HNRNPDL: variants seen among roughly 807,000 people sequenced by gnomAD.
The protein encoded by HNRNPDL is heterogeneous nuclear ribonucleoprotein D-like.
Under a neutral mutation model 48.0 loss-of-function variants are expected in HNRNPDL, and 18 were observed. The observed-to-expected ratio is 0.38, with a 90% CI of 0.26 to 0.56. The LOEUF is 0.56. HNRNPDL is among the 20% of genes least tolerant of loss of function. The probability of loss-of-function intolerance (pLI) is 0.77; values close to 1 mark genes in which losing one functional copy is unlikely to be tolerated. For missense variants in HNRNPDL, 553 were observed against 540.7 expected (o/e 1.02, Z -0.23); for synonymous variants, 306 against 207.3 (o/e 1.48, Z -4.09).
rs1721590769 is a variant in HNRNPDL, at chr4:82,429,382, G to GGCA, written c.306_308dup (p.Ala104dup). ...GGTGCTGGCGCGCAGTCCGGGTCGC[G>GGCA]GCAGCAGCGGCGGCGGAGCGTTGTA... On this transcript the variant is annotated inframe_insertion, in exon 1 of 8. Coordinates refer to ENST00000295470, the MANE Select transcript of HNRNPDL (RefSeq NM_031372.4). 3 of 1,613,496 alleles carry GGCA rather than the reference G, an allele frequency of 1.9e-6. No individual in the cohort carries two copies. Among genetic ancestry groups the GGCA allele is most frequent in the South Asian group, 1.1e-5 (1 of 91,068 alleles).
At chr4:82,428,533 G>T in intron 1 of HNRNPDL, 87 bp from the exon 2 acceptor site, 1 of 1,035,760 alleles carries the variant, frequency 9.7e-7, no homozygotes. Flanking sequence ...TAAAAACAGG[G>T]ACATTTACCC....
intron 3 of HNRNPDL, among the ~76,000 whole-genome samples, 157 bp downstream of exon 3, chr4:82,427,861 A>C (rs1274567175): frequency 2.6e-5 from 4 of 152,244 alleles, no homozygotes; most frequent in African/African-American, 9.6e-5. Flanking sequence ...TTTCCATCAG[A>C]GCAGCAATGA....
At position 82,429,713 on chromosome 4, in the gene HNRNPDL, G is replaced by A; in HGVS notation, c.-23C>T. On this transcript the variant is annotated 5_prime_UTR_variant, in exon 1 of 8. Transcript: ENST00000295470. ...CATCGCGGCCCTCCCGGCAAGGAGA[G>A]AGGCCACGCGTGAGGGGACGCGGGC... is the stretch of plus-strand genomic sequence containing the variant. The A allele has an allele frequency of 1.6e-5, 21 of 1,342,408 alleles. No individual in the cohort carries two copies. Among genetic ancestry groups the A allele is most frequent in the South Asian group, 2.0e-5 (1 of 49,982 alleles). 83.2% of individuals were successfully genotyped at this position (1,342,408 alleles called of 1,614,324 possible).
rs578132115 is a variant in HNRNPDL, at chr4:82,423,010, G to A, written c.*1896C>T. The A allele has an allele frequency of 9.2e-5, 14 of 151,808 alleles. No homozygotes were observed. The highest frequency in any genetic ancestry group is 3.1e-4 in the African/African-American group (13 of 41,312). The allele number at this position is 151,808 out of a possible 1,614,324, so 9.4% of individuals were successfully genotyped here. A position where few individuals can be genotyped will look rare whatever the true frequency, so the allele number is the denominator to read the frequency against. On this transcript the variant is annotated 3_prime_UTR_variant, in exon 8 of 8. Coordinates refer to ENST00000295470, the MANE Select transcript of HNRNPDL (RefSeq NM_031372.4). Reference sequence around the variant, plus strand: ...AGCCTTAGAGTATCTGTTCAAATTTGCATCAGTTGGTGAACTGATAGACCC... The same window carrying A: ...AGCCTTAGAGTATCTGTTCAAATTTACATCAGTTGGTGAACTGATAGACCC...
chr4:82,429,648 A>AC lies in HNRNPDL; in HGVS notation c.42dup (p.Phe15ValfsTer77). 7.3e-7 allele frequency: 1 copy of AC among 1,366,374 alleles called. No homozygotes were observed. 84.6% of individuals were successfully genotyped at this position (1,366,374 alleles called of 1,614,324 possible). A position where few individuals can be genotyped will look rare whatever the true frequency, so the allele number is the denominator to read the frequency against. ...GCTAAAGTAGCGGGAGCGGAGGGGA[A>AC]CAATGGCGGCGGCACATGGGAAAGC... On this transcript the variant is annotated frameshift_variant, in exon 1 of 8. Transcript: ENST00000295470. LOFTEE classifies it high-confidence loss of function.
intron 6 of HNRNPDL, 113 bp from the exon 7 acceptor site, chr4:82,426,242 A>G: frequency 1.9e-6 from 2 of 1,037,958 alleles, no homozygotes; most frequent in South Asian, 2.6e-5. Context: ...GTATTAAGAT[A>G]TTTTAGCACC....
At chr4:82,426,700 G>A (rs1320675705) in intron 5 of HNRNPDL, 67 bp from the exon 6 acceptor site, 7 of 1,298,798 alleles carry the variant, frequency 5.4e-6, no homozygotes, top group Admixed American at 3.4e-5. Context: ...AAAATGATGC[G>A]TTCTTGTCTC....
chr4:82,426,605 A>T lies in HNRNPDL; in HGVS notation c.1050T>A (p.Phe350Leu). 6.2e-7 allele frequency: 1 copy of T among 1,613,876 alleles called. No homozygotes were observed. The change falls in exon 6 of 8, where the codon TTT becomes TTA. Residue 350 changes from phenylalanine to leucine, a missense_variant. By Grantham distance (22) the Phe-to-Leu change is conservative. Coordinates refer to ENST00000295470, the MANE Select transcript of HNRNPDL (RefSeq NM_031372.4). ...RGQGQNWNQG[F>L]NNYYDQGYGN... ...CATATCCTTGATCATAATAGTTATT[A>T]AATCCTTGGTTCCAGTTTTGGCCCT...
intron 1 of HNRNPDL, among the ~76,000 whole-genome samples, chr4:82,428,713 T>C (rs1241845895): frequency 6.6e-6 from 1 of 152,232 alleles, no homozygotes. Flanking sequence ...CAGATTCCTT[T>C]AGGTAGAAGG....
At position 82,422,837 on chromosome 4, in the gene HNRNPDL, A is replaced by C. The variant is rs1333567874; in HGVS notation, c.*2069T>G. 6.6e-6 allele frequency: 1 copy of C among 152,226 alleles called. No homozygotes were observed. The highest frequency in any genetic ancestry group is 1.5e-5 in the Non-Finnish European group (1 of 68,040). The allele number at this position is 152,226 out of a possible 1,614,324, so 9.4% of individuals were successfully genotyped here. On this transcript the variant is annotated 3_prime_UTR_variant, in exon 8 of 8. Coordinates refer to ENST00000295470, the MANE Select transcript of HNRNPDL (RefSeq NM_031372.4). ...ACAATGTAAAAGGCAAATACGATGT[A>C]AAAAACATACACAGAGTATTTGTTA...
rs755637495 is a variant in HNRNPDL, at chr4:82,427,247, TTTG to T, written c.961_963del (p.Gln321del). 3 of 1,614,072 alleles carry T rather than the reference TTTG, an allele frequency of 1.9e-6. No individual in the cohort carries two copies. Among genetic ancestry groups the T allele is most frequent in the East Asian group, 2.2e-5 (1 of 44,888 alleles). On this transcript the variant is annotated inframe_deletion, in exon 5 of 8. Coordinates refer to ENST00000295470, the MANE Select transcript of HNRNPDL (RefSeq NM_031372.4). The stretch of plus-strand genomic sequence containing the variant: ...CCAGCTGCAGCACCTCTTCCACCTT[TTTG>T]TTGTTGCTGTTGCTGCCTATATACC...
rs146329382 is a variant in HNRNPDL, at chr4:82,422,735, C to A, written c.*2171G>T. On this transcript the variant is annotated 3_prime_UTR_variant, in exon 8 of 8. Transcript: ENST00000295470. The stretch of plus-strand genomic sequence containing the variant: ...ACGATGTATAAAAACATATACAAAC[C>A]GAGCATTTGTTATAGGTACTTTAGA... 1 of 151,846 alleles carries A rather than the reference C, an allele frequency of 6.6e-6. No individual in the cohort carries two copies. Among genetic ancestry groups the A allele is most frequent in the Non-Finnish European group, 1.5e-5 (1 of 67,944 alleles). 9.4% of individuals were successfully genotyped at this position (151,846 alleles called of 1,614,324 possible).
At chr4:82,426,378 C>A in intron 6 of HNRNPDL, 85 bp downstream of exon 6, 1 of 1,233,120 alleles carries the variant, frequency 8.1e-7, no homozygotes, top group South Asian at 1.3e-5. Flanking sequence ...ATGGAAAGCC[C>A]ATACACACAA....
At position 82,424,151 on chromosome 4, in the gene HNRNPDL, A is replaced by C. The variant is rs1721317228; in HGVS notation, c.*755T>G. On this transcript the variant is annotated 3_prime_UTR_variant, in exon 8 of 8. Coordinates refer to ENST00000295470, the MANE Select transcript of HNRNPDL (RefSeq NM_031372.4). The stretch of plus-strand genomic sequence containing the variant: ...ACCAGTTTTACAGTGCTCCTTTTGT[A>C]TCTGAACTTTTATCAAGAATTACTC... 6.6e-6 allele frequency: 1 copy of C among 152,208 alleles called. No individual in the cohort carries two copies. Among genetic ancestry groups the C allele is most frequent in the Non-Finnish European group, 1.5e-5 (1 of 68,034 alleles). 9.4% of individuals were successfully genotyped at this position (152,208 alleles called of 1,614,324 possible). A position where few individuals can be genotyped will look rare whatever the true frequency, so the allele number is the denominator to read the frequency against.
chr4:82,423,449 C>CA lies in HNRNPDL; in HGVS notation c.*1456dup, dbSNP rs757652663. The CA allele has an allele frequency of 5.3e-5, 8 of 151,154 alleles. No homozygotes were observed. The highest frequency in any genetic ancestry group is 6.6e-5 in the Admixed American group (1 of 15,196). 9.4% of individuals were successfully genotyped at this position (151,154 alleles called of 1,614,324 possible). The stretch of plus-strand genomic sequence containing the variant: ...AAGTTTAAGAATAGCAAAACAGCAG[C>CA]AAAAAAGAGGCCAAGAGCATTATAA... On this transcript the variant is annotated 3_prime_UTR_variant, in exon 8 of 8. Transcript: ENST00000295470.
At chr4:82,426,340 C>T in intron 6 of HNRNPDL, 123 bp downstream of exon 6, 1 of 925,190 alleles carries the variant, frequency 1.1e-6, no homozygotes, top group Non-Finnish European at 1.7e-6. Flanking sequence ...TTGTAACATG[C>T]CTCAAACACT....
chr4:82,426,785 T>G, intron 5 of HNRNPDL, 152 bp from the exon 6 acceptor site: 1 of 676,272 alleles, frequency 1.5e-6, no homozygotes, highest in Non-Finnish European at 2.5e-6. Context: ...TTCCAGCTGT[T>G]ATAAAAAAGG....
In HNRNPDL at chr4:82,426,500, C is replaced by A. The variant is rs764921476; in HGVS notation, c.1155G>T (p.Gly385=). The change falls in exon 6 of 8, where the codon GGG becomes GGT. Residue 385 remains glycine (G), a synonymous_variant. Transcript: ENST00000295470. ...CATATCCCTGTCCATATCCATAGTTCCCATAGTTATACCCAGTATAATCAT... is the reference window on the plus strand; with the variant it reads ...CATATCCCTGTCCATATCCATAGTTACCATAGTTATACCCAGTATAATCAT... The part of the protein sequence containing the change: ...GGYDYTGYNY[G]NYGYGQGYAD... 71 of 1,612,572 alleles carry A rather than the reference C, an allele frequency of 4.4e-5. No individual in the cohort carries two copies. Among genetic ancestry groups the A allele is most frequent in the Non-Finnish European group, 5.9e-5 (70 of 1,178,918 alleles).
chr4:82,427,329 T>C lies in HNRNPDL; in HGVS notation c.907-25A>G, dbSNP rs764221541. ...ACTATAAACAAAAAACATGAAAGTATAATTTTTACCGAAGTTCTAAAATTA... is the reference window on the plus strand; with the variant it reads ...ACTATAAACAAAAAACATGAAAGTACAATTTTTACCGAAGTTCTAAAATTA... On this transcript the variant is annotated intron_variant, in intron 4 of 7. Coordinates refer to ENST00000295470, the MANE Select transcript of HNRNPDL (RefSeq NM_031372.4). 4.5e-6 allele frequency: 7 copies of C among 1,547,076 alleles called. No homozygotes were observed. The East Asian group carries it at 1.4e-4, about 30-fold the overall frequency.
Sources: gnomAD v4.1 joint callset for allele counts (sites outside exome capture counted in the v4.1 genomes callset) on GRCh38, gnomAD v4.1.1 for gene constraint, MANE v1.5 for transcripts, NCBI Gene and HGNC (gene_info 2026-07-23, HGNC 2026-07-21) for gene names.